Variants in PDS5B observed in about 807,000 individuals in gnomAD.
PDS5B encodes the protein PDS5 cohesin associated factor B, also known as sister chromatid cohesion protein PDS5 homolog B.
PDS5B carries 51 observed loss-of-function variants against 184.1 expected under a neutral mutation model. The observed-to-expected ratio is 0.28, with a 90% CI of 0.22 to 0.35. The LOEUF is 0.35. PDS5B is among the 10% of genes least tolerant of loss of function. The pLI is 1.00. For synonymous variants in PDS5B, 566 were observed against 569.2 expected, an observed-to-expected ratio of 0.99 and a Z score of 0.08; for missense variants, 1,180 against 1,723.3, an observed-to-expected ratio of 0.68 and a Z score of 5.58.
chr13:32,674,474 G>A (rs948115894), intron 8 of PDS5B, among the ~76,000 whole-genome samples: 24 of 152,018 alleles, frequency 1.6e-4, no homozygotes, highest in Admixed American at 1.2e-3. Context: ...TTTGGGTGAG[G>A]CAGCAGGTAG....
intron 19 of PDS5B, among the ~76,000 whole-genome samples, chr13:32,719,559 GTA>G (rs145323478): frequency 4.7e-4 from 71 of 152,108 alleles, no homozygotes; most frequent in Non-Finnish European, 8.1e-4. Context: ...GCCCCACCAT[GTA>G]TGGTATGGTT....
At chr13:32,600,408 A>T (rs1344691900) in intron 1 of PDS5B, among the ~76,000 whole-genome samples, 1 of 152,164 alleles carries the variant, frequency 6.6e-6, no homozygotes, top group African/African-American at 2.4e-5. Context: ...GAATTTTTGG[A>T]ACCTTGGTCT....
At chr13:32,665,658 T>TAAAAAAAAAAG in intron 6 of PDS5B, among the ~76,000 whole-genome samples, 1 of 147,776 alleles carries the variant, frequency 6.8e-6, no homozygotes, top group Non-Finnish European at 1.5e-5. Context: ...ATGAATTTCT[T>TAAAAAAAAAAG]AAGAAAGCTA....
chr13:32,749,388 T>A (rs1953886830), intron 24 of PDS5B, among the ~76,000 whole-genome samples: 1 of 152,230 alleles, frequency 6.6e-6, no homozygotes, highest in Admixed American at 6.5e-5. Context: ...TGTACTTTAT[T>A]TCTTGAGGCT....
At chr13:32,763,315 A>C (rs968598150) in intron 30 of PDS5B, 3 of 152,688 alleles carry the variant, frequency 2.0e-5, no homozygotes, top group African/African-American at 7.2e-5. Flanking sequence ...TGATTTGTGC[A>C]GAATGTACTA....
intron 10 of PDS5B, among the ~76,000 whole-genome samples, chr13:32,679,723 G>C (rs902789378): frequency 4.6e-5 from 7 of 152,148 alleles, no homozygotes; most frequent in Non-Finnish European, 7.3e-5. Context: ...CATCCCACTT[G>C]GAGCTTTCTG....
In PDS5B at chr13:32,597,188, C is replaced by T. The variant is rs74850834; in HGVS notation, c.-20+10595C>T. Among the ~76,000 whole-genome samples the T allele has an allele frequency of 1.3e-3, 190 of 151,878 alleles. 1 individual carries two copies. Among genetic ancestry groups the T allele is most frequent in the African/African-American group, 4.3e-3 (177 of 41,322 alleles). On this transcript the variant is annotated intron_variant, in intron 1 of 34. Coordinates refer to ENST00000315596, the MANE Select transcript of PDS5B (RefSeq NM_015032.4). The stretch of plus-strand genomic sequence containing the variant: ...AGCTGGGTCTACAGATACGTGCCAC[C>T]ATGGCTGGCTCATTTTTTTTTTTTT...
At chr13:32,665,641 G>A (rs1566302444) in intron 6 of PDS5B, among the ~76,000 whole-genome samples, 11 of 118,432 alleles carry the variant, frequency 9.3e-5, no homozygotes, top group Non-Finnish European at 1.4e-4. Flanking sequence ...ACAACCTCAA[G>A]ATAGGAATGA....
At chr13:32,688,187 A>G (rs1457750536) in intron 12 of PDS5B, among the ~76,000 whole-genome samples, 2 of 123,258 alleles carry the variant, frequency 1.6e-5, no homozygotes, top group Admixed American at 1.6e-4. Flanking sequence ...ATACAGATAA[A>G]GAAAAAATCC....
intron 1 of PDS5B, among the ~76,000 whole-genome samples, chr13:32,620,315 A>G (rs1316366798): frequency 6.6e-6 from 1 of 152,042 alleles, no homozygotes; most frequent in African/African-American, 2.4e-5. Flanking sequence ...TATGTTGTTG[A>G]TTTCTTTTTC....
chr13:32,644,889 C>T (rs903208905), intron 1 of PDS5B, among the ~76,000 whole-genome samples: 1 of 152,090 alleles, frequency 6.6e-6, no homozygotes, highest in Non-Finnish European at 1.5e-5. Flanking sequence ...TTTAACCTTG[C>T]CTTCCCGGGA....
rs1950846718 is a variant in PDS5B at position 32,668,040 on chromosome 13, C to G, written c.705+196C>G. 2.0e-5 allele frequency among the ~76,000 whole-genome samples: 3 copies of G among 152,132 alleles called. No homozygotes were observed. The South Asian group carries it at 6.2e-4, about 32-fold the overall frequency. On this transcript the variant is annotated intron_variant, in intron 7 of 34. Transcript: ENST00000315596. ...TATTTTTTGGAAGGCTTGCTCTCATCCTATTTGTTCTTTTATCTTCTTTCA... is the reference window on the plus strand; with the variant it reads ...TATTTTTTGGAAGGCTTGCTCTCATGCTATTTGTTCTTTTATCTTCTTTCA...
intron 13 of PDS5B, 39 bp downstream of exon 13, chr13:32,688,608 T>C: frequency 2.6e-6 from 3 of 1,152,556 alleles, no homozygotes; most frequent in Non-Finnish European, 3.9e-6. Flanking sequence ...TTTCATCCTT[T>C]GCAATATATT....
At chr13:32,723,307 A>T (rs1430885339) in intron 19 of PDS5B, among the ~76,000 whole-genome samples, 1 of 152,216 alleles carries the variant, frequency 6.6e-6, no homozygotes, top group Non-Finnish European at 1.5e-5. Flanking sequence ...CAAAATGTTG[A>T]CAGTATTGTT....
chr13:32,732,279 T>C (rs1953149754), intron 20 of PDS5B, 55 bp downstream of exon 20: 1 of 1,216,502 alleles, frequency 8.2e-7, no homozygotes. Flanking sequence ...ACAAAACAAA[T>C]ATTGATGATT....
intron 30 of PDS5B, among the ~76,000 whole-genome samples, chr13:32,762,873 G>A (rs1954456864): frequency 6.6e-6 from 1 of 152,068 alleles, no homozygotes; most frequent in Admixed American, 6.6e-5. Flanking sequence ...CTACTGTCGT[G>A]ATGTTATTTC....
chr13:32,603,973 G>C (rs554342216), intron 1 of PDS5B, among the ~76,000 whole-genome samples: 1 of 152,080 alleles, frequency 6.6e-6, no homozygotes, highest in African/African-American at 2.4e-5. Flanking sequence ...AGGAGATTTC[G>C]GGCTGAGACG....
chr13:32,687,950 T>TAAA (rs1951443242), intron 12 of PDS5B, among the ~76,000 whole-genome samples: 3 of 152,182 alleles, frequency 2.0e-5, no homozygotes, highest in Non-Finnish European at 4.4e-5. Flanking sequence ...TGAAACTTTA[T>TAAA]AGTTGTTTTT....
At chr13:32,758,242 T>C in intron 27 of PDS5B, 23 bp downstream of exon 27, 1 of 1,483,482 alleles carries the variant, frequency 6.7e-7, no homozygotes, top group Non-Finnish European at 9.1e-7. Flanking sequence ...TTGTAAATAA[T>C]TATGGTTCCA....
Sources: gnomAD v4.1 joint callset for allele counts (sites outside exome capture counted in the v4.1 genomes callset) on GRCh38, gnomAD v4.1.1 for gene constraint, MANE v1.5 for transcripts, NCBI Gene and HGNC (gene_info 2026-07-23, HGNC 2026-07-21) for gene names.